The following ZNRF2 variants were observed in gnomAD, a reference collection of about 807,000 sequenced individuals.
ZNRF2 encodes E3 ubiquitin-protein ligase ZNRF2.
ZNRF2 carries 16 observed loss-of-function variants against 20.4 expected under a neutral mutation model. The observed-to-expected ratio is 0.79, with a 90% CI of 0.53 to 1.19. ZNRF2 has a LOEUF of 1.19. ZNRF2 is among the 50% of genes most tolerant of loss of function. ZNRF2 has a pLI of 0.00. For missense variants in ZNRF2, 363 were observed against 332.4 expected (o/e 1.09, Z -0.72); for synonymous variants, 178 against 144.9 (o/e 1.23, Z -1.64).
intron 2 of ZNRF2, among the ~76,000 whole-genome samples, chr7:30,344,732 T>C (rs1437058298): frequency 6.6e-6 from 1 of 152,206 alleles, no homozygotes; most frequent in East Asian, 1.9e-4. Flanking sequence ...CTAGCTGAAG[T>C]TCATCCTCAT....
chr7:30,310,777 T>G (rs893075754), intron 1 of ZNRF2, among the ~76,000 whole-genome samples: 16 of 152,098 alleles, frequency 1.1e-4, no homozygotes, highest in Admixed American at 8.5e-4. Context: ...CAGGACTGAA[T>G]GTGAGTTCCA....
rs372620699 is a variant in ZNRF2, at chr7:30,356,970, G to T, written c.671+1137G>T. 1.5e-4 allele frequency among the ~76,000 whole-genome samples: 23 copies of T among 152,074 alleles called. No individual in the cohort carries two copies. In the East Asian group the frequency reaches 4.4e-3, roughly 29 times the overall value. ...TGTGCCCGCCTTGGCCTCCCAAAGTGCTGGGAATAACATTCTATTTTTATG... is the reference window on the plus strand; with the variant it reads ...TGTGCCCGCCTTGGCCTCCCAAAGTTCTGGGAATAACATTCTATTTTTATG... On this transcript the variant is annotated intron_variant, in intron 3 of 4. Transcript: ENST00000323037.
intron 3 of ZNRF2, among the ~76,000 whole-genome samples, chr7:30,359,933 A>G (rs934286111): frequency 1.3e-5 from 2 of 152,224 alleles, no homozygotes. Flanking sequence ...TGTATATTAT[A>G]ACTGAAATAC....
rs1407163153 is a variant in ZNRF2, at chr7:30,324,376, GA to G, written c.565+650del. The stretch of plus-strand genomic sequence containing the variant: ...TGGTGAAACCCCATCTCTACTAAAA[GA>G]AAAAAAAAAAGAAAAAAAAAAATTA... On this transcript the variant is annotated intron_variant, in intron 2 of 4. Coordinates refer to ENST00000323037, the MANE Select transcript of ZNRF2 (RefSeq NM_147128.4). 4.1e-3 allele frequency among the ~76,000 whole-genome samples: 502 copies of G among 122,826 alleles called. 3 individuals are homozygous for G. Among genetic ancestry groups the G allele is most frequent in the Middle Eastern group, 7.6e-3 (2 of 264 alleles). 80.6% of individuals were successfully genotyped at this position (122,826 alleles called of 152,430 possible). A position where few individuals can be genotyped will look rare whatever the true frequency, so the allele number is the denominator to read the frequency against.
intron 2 of ZNRF2, among the ~76,000 whole-genome samples, chr7:30,331,477 T>C (rs1262618732): frequency 1.3e-5 from 2 of 152,130 alleles, no homozygotes; most frequent in Non-Finnish European, 2.9e-5. Context: ...GCAAGGAGAA[T>C]TAGTCAAGTA....
chr7:30,305,476 G>A (rs970044777), intron 1 of ZNRF2, among the ~76,000 whole-genome samples: 15 of 151,978 alleles, frequency 9.9e-5, no homozygotes, highest in African/African-American at 3.6e-4. Context: ...ATTTTTGTAA[G>A]TTTGTTCTCC....
intron 2 of ZNRF2, among the ~76,000 whole-genome samples, chr7:30,336,908 A>G (rs76290879): frequency 1.7e-3 from 258 of 152,254 alleles, no homozygotes; most frequent in African/African-American, 5.7e-3. Context: ...GTATATATGT[A>G]TGTATTAGAA....
At chr7:30,301,397 C>T (rs1208162228) in intron 1 of ZNRF2, among the ~76,000 whole-genome samples, 8 of 152,080 alleles carry the variant, frequency 5.3e-5, no homozygotes, top group Non-Finnish European at 7.4e-5. Context: ...GCAGGAGAAT[C>T]GCTTAAACCC....
chr7:30,304,506 A>G (rs112419984), intron 1 of ZNRF2, among the ~76,000 whole-genome samples: 42 of 152,326 alleles, frequency 2.8e-4, no homozygotes, highest in Non-Finnish European at 3.8e-4. Flanking sequence ...GTCTTTTAGG[A>G]AACTTAAAAA....
intron 1 of ZNRF2, among the ~76,000 whole-genome samples, chr7:30,314,841 C>T (rs1196760265): frequency 6.8e-6 from 1 of 148,028 alleles, no homozygotes; most frequent in Non-Finnish European, 1.5e-5. Flanking sequence ...TTTTTGGAGA[C>T]AGTCTCATTC....
At position 30,362,536 on chromosome 7, in the gene ZNRF2, C is replaced by G. The variant is rs1182118274; in HGVS notation, c.*22+80C>G. ...ACTATAATTTTTATTTATTCATTTACTCATTGAGGTGCATGAGTGTGTATG... is the reference window on the plus strand; with the variant it reads ...ACTATAATTTTTATTTATTCATTTAGTCATTGAGGTGCATGAGTGTGTATG... On this transcript the variant is annotated intron_variant, in intron 4 of 4. Transcript: ENST00000323037. The G allele has an allele frequency of 7.2e-6, 6 of 832,890 alleles. No homozygotes were observed. The East Asian group carries it at 1.6e-4, about 22-fold the overall frequency. The allele number at this position is 832,890 out of a possible 1,614,324, so 51.6% of individuals were successfully genotyped here.
chr7:30,285,403 C>T lies in ZNRF2; in HGVS notation c.46C>T (p.Arg16Cys). Residue 16 changes from arginine to cysteine, a missense_variant, in exon 1 of 5, where the codon CGC becomes TGC. By Grantham distance (180) the Arg-to-Cys change is radical (BLOSUM62 -3). This residue lies in a region of ZNRF2 where 302 missense variants were observed against 231.5 expected (regional missense o/e 1.30). Coordinates refer to ENST00000323037, the MANE Select transcript of ZNRF2 (RefSeq NM_147128.4). Reference sequence around the variant, plus strand: ...CCCGGCCGCCGCTAACGGCCGCACGCGCGCGTACTCGGGCTCGGATCTACC... The same window carrying T: ...CCCGGCCGCCGCTAACGGCCGCACGTGCGCGTACTCGGGCTCGGATCTACC... ...SGPAAANGRT[R>C]AYSGSDLPSS... 1 of 1,261,444 alleles carries T rather than the reference C, an allele frequency of 7.9e-7. No homozygotes were observed. Among genetic ancestry groups the T allele is most frequent in the Admixed American group, 3.2e-5 (1 of 31,154 alleles). 78.1% of individuals were successfully genotyped at this position (1,261,444 alleles called of 1,614,324 possible). A position where few individuals can be genotyped will look rare whatever the true frequency, so the allele number is the denominator to read the frequency against.
chr7:30,294,390 T>C (rs560340536), intron 1 of ZNRF2, among the ~76,000 whole-genome samples: 1 of 152,354 alleles, frequency 6.6e-6, no homozygotes, highest in South Asian at 2.1e-4. Flanking sequence ...GTTAACTGCA[T>C]TTCGATATTT....
intron 1 of ZNRF2, among the ~76,000 whole-genome samples, chr7:30,303,637 A>G (rs1043767268): frequency 6.6e-6 from 1 of 152,232 alleles, no homozygotes; most frequent in African/African-American, 2.4e-5. Flanking sequence ...CTTTAAGAGT[A>G]GGATATGATT....
At chr7:30,333,718 C>T (rs1279237393) in intron 2 of ZNRF2, among the ~76,000 whole-genome samples, 1 of 152,092 alleles carries the variant, frequency 6.6e-6, no homozygotes, top group African/African-American at 2.4e-5. Context: ...GAGGTGGTAT[C>T]TCATTGTGGT....
chr7:30,300,762 A>G (rs1799101361), intron 1 of ZNRF2, among the ~76,000 whole-genome samples: 1 of 152,210 alleles, frequency 6.6e-6, no homozygotes, highest in Non-Finnish European at 1.5e-5. Flanking sequence ...ATACAGAGAA[A>G]TGGTTGAATG....
At chr7:30,289,951 A>G in intron 1 of ZNRF2, 1 of 523,286 alleles carries the variant, frequency 1.9e-6, no homozygotes, top group Non-Finnish European at 3.9e-6. Context: ...TCTGATTACC[A>G]AATATCATTA....
chr7:30,307,858 A>G (rs556512368), intron 1 of ZNRF2, among the ~76,000 whole-genome samples: 15 of 152,314 alleles, frequency 9.8e-5, no homozygotes, highest in African/African-American at 3.1e-4. Flanking sequence ...AGACTTTGGA[A>G]AGCCACTTTC....
chr7:30,313,970 C>T (rs2128060799), intron 1 of ZNRF2, among the ~76,000 whole-genome samples: 1 of 152,218 alleles, frequency 6.6e-6, no homozygotes, highest in African/African-American at 2.4e-5. Flanking sequence ...TTAAGGATGC[C>T]TTGTTTGTAT....
Sources: allele counts gnomAD v4.1 joint callset (sites outside exome capture counted in the v4.1 genomes callset), GRCh38; gene constraint gnomAD v4.1.1; regional missense constraint gnomAD v4.1.1; transcripts MANE v1.5; gene names NCBI Gene and HGNC (gene_info 2026-07-23, HGNC 2026-07-21).